The following LRRC7 variants were observed in gnomAD, a reference collection of about 807,000 sequenced individuals.
LRRC7 encodes leucine-rich repeat-containing protein 7.
In LRRC7, 23 loss-of-function variants were observed where a neutral mutation model predicts 175.7. The observed-to-expected ratio is 0.13, with a 90% CI of 0.09 to 0.19. The LOEUF (loss-of-function observed/expected upper bound fraction) is 0.19. Among genes scored for constraint, LRRC7 ranks in the 10% least tolerant of loss-of-function variants. The pLI is 1.00. For synonymous variants in LRRC7, 685 were observed against 680.9 expected, an observed-to-expected ratio of 1.01 and a Z score of -0.09; for missense variants, 1,354 against 1,904.7, an observed-to-expected ratio of 0.71 and a Z score of 5.38.
intron 1 of LRRC7, among the ~76,000 whole-genome samples, chr1:69,590,403 T>C (rs1401735010): frequency 6.6e-6 from 1 of 152,194 alleles, no homozygotes; most frequent in Non-Finnish European, 1.5e-5. Flanking sequence ...CATGGTGTTA[T>C]GTTGTATTCC....
intron 7 of LRRC7, chr1:69,919,855 G>A: frequency 1.5e-6 from 1 of 680,948 alleles, no homozygotes; most frequent in Non-Finnish European, 2.6e-6. Flanking sequence ...TGGGGGCCCA[G>A]GCCTGGCCTC....
rs76929550 is a variant in LRRC7 at position 70,039,508 on chromosome 1, G to A, written c.3684G>A (p.Pro1228=). 32,627 of 1,614,100 alleles carry A rather than the reference G, an allele frequency of 0.02. 826 individuals are homozygous for A. The highest frequency in any genetic ancestry group is 0.12 in the Admixed American group (7,242 of 60,012). The change falls in exon 21 of 27, where the codon CCG becomes CCA. Residue 1228 remains proline, a synonymous_variant. Coordinates refer to ENST00000651989, the MANE Select transcript of LRRC7 (RefSeq NM_001370785.2). ...QEVKAQAGSF[P]VKNLTQRRPL... ...TGAAAGCTCAGGCGGGAAGTTTTCC[G>A]GTTAAAAACCTTACCCAAAGGAGGC...
At chr1:69,574,044 C>G (rs1294919262) in intron 1 of LRRC7, among the ~76,000 whole-genome samples, 2 of 151,684 alleles carry the variant, frequency 1.3e-5, no homozygotes, top group African/African-American at 4.8e-5. Context: ...ATAGGTATGC[C>G]CAAGGTAGTA....
chr1:69,669,672 C>G (rs922701505), intron 1 of LRRC7, among the ~76,000 whole-genome samples: 5 of 152,158 alleles, frequency 3.3e-5, no homozygotes, highest in Non-Finnish European at 5.9e-5. Flanking sequence ...CCTACCTCTA[C>G]CACCTCTTTA....
At chr1:70,055,868 T>G (rs1661110966) in intron 23 of LRRC7, among the ~76,000 whole-genome samples, 1 of 152,096 alleles carries the variant, frequency 6.6e-6, no homozygotes, top group South Asian at 2.1e-4. Context: ...CATAACAAAT[T>G]CATAGATCCA....
At chr1:70,095,210 A>G (rs1000891400) in intron 25 of LRRC7, among the ~76,000 whole-genome samples, 2 of 152,166 alleles carry the variant, frequency 1.3e-5, no homozygotes, top group African/African-American at 2.4e-5. Context: ...ATAGAGATCA[A>G]ATTGTTTTTG....
chr1:70,065,761 T>C (rs1249288024), intron 23 of LRRC7, among the ~76,000 whole-genome samples: 1 of 151,990 alleles, frequency 6.6e-6, no homozygotes, highest in Non-Finnish European at 1.5e-5. Flanking sequence ...TCTTGACTTA[T>C]GGCAGAATGT....
At chr1:69,849,847 T>C (rs1682777964) in intron 7 of LRRC7, among the ~76,000 whole-genome samples, 1 of 152,080 alleles carries the variant, frequency 6.6e-6, no homozygotes, top group Non-Finnish European at 1.5e-5. Context: ...ATAACTTTAA[T>C]TGATCATGTA....
chr1:70,104,549 A>G (rs1175033210), intron 25 of LRRC7, among the ~76,000 whole-genome samples: 4 of 152,196 alleles, frequency 2.6e-5, no homozygotes, highest in Non-Finnish European at 5.9e-5. Flanking sequence ...ATACTTGGAA[A>G]AAAGGAAACT....
chr1:69,852,842 C>G (rs1683138488), intron 7 of LRRC7, among the ~76,000 whole-genome samples: 1 of 152,002 alleles, frequency 6.6e-6, no homozygotes, highest in South Asian at 2.1e-4. Flanking sequence ...AAAATGTGTT[C>G]TAAAGAAAGA....
chr1:70,061,407 A>C (rs904652793), intron 23 of LRRC7, among the ~76,000 whole-genome samples: 1 of 151,968 alleles, frequency 6.6e-6, no homozygotes, highest in Admixed American at 6.6e-5. Context: ...CTTTGTGTCA[A>C]GCAGTATAAA....
chr1:69,867,071 G>T (rs1175488905), intron 7 of LRRC7, among the ~76,000 whole-genome samples: 1 of 151,956 alleles, frequency 6.6e-6, no homozygotes, highest in Non-Finnish European at 1.5e-5. Context: ...AATGTCAAAG[G>T]AATTTAGAAA....
intron 15 of LRRC7, 87 bp downstream of exon 15, chr1:70,018,905 C>G: frequency 1.1e-6 from 1 of 929,008 alleles, no homozygotes; most frequent in Admixed American, 1.9e-5. Flanking sequence ...GCCAGGAGTA[C>G]TGGCACATGG....
At chr1:70,114,105 AATGAAGTG>A (rs1665696381) in intron 26 of LRRC7, among the ~76,000 whole-genome samples, 1 of 152,190 alleles carries the variant, frequency 6.6e-6, no homozygotes, top group African/African-American at 2.4e-5. Context: ...TTATGGTTAA[AATGAAGTG>A]TTGGACCCTT....
chr1:70,000,304 TA>T (rs1267610849), intron 11 of LRRC7, among the ~76,000 whole-genome samples: 4 of 152,192 alleles, frequency 2.6e-5, no homozygotes, highest in African/African-American at 9.6e-5. Context: ...TATGTTTAGA[TA>T]CACAAATAGA....
chr1:70,104,597 C>G (rs545797579), intron 25 of LRRC7, among the ~76,000 whole-genome samples: 1 of 152,040 alleles, frequency 6.6e-6, no homozygotes, highest in African/African-American at 2.4e-5. Context: ...GTTAATGAAG[C>G]TTATTGATTG....
chr1:69,936,937 A>G (rs906457942), intron 8 of LRRC7, among the ~76,000 whole-genome samples: 1 of 152,136 alleles, frequency 6.6e-6, no homozygotes, highest in Non-Finnish European at 1.5e-5. Context: ...ACCATGGTGA[A>G]TATGTACCAT....
intron 7 of LRRC7, among the ~76,000 whole-genome samples, chr1:69,915,061 T>C (rs748478839): frequency 2.0e-5 from 3 of 152,170 alleles, no homozygotes; most frequent in African/African-American, 7.2e-5. Flanking sequence ...GTCAGCACTG[T>C]CACTAATTTT....
At chr1:70,120,948 C>A (rs1666173417) in intron 26 of LRRC7, among the ~76,000 whole-genome samples, 1 of 151,976 alleles carries the variant, frequency 6.6e-6, no homozygotes, top group Non-Finnish European at 1.5e-5. Flanking sequence ...AAAATCATTC[C>A]AATCAAGACA....
Sources: allele counts gnomAD v4.1 joint callset (sites outside exome capture counted in the v4.1 genomes callset), GRCh38; gene constraint gnomAD v4.1.1; transcripts MANE v1.5; gene names NCBI Gene and HGNC (gene_info 2026-07-23, HGNC 2026-07-21).